The following RBM47 variants were observed in gnomAD, a reference collection of about 807,000 sequenced individuals.
RBM47 encodes RNA-binding protein 47.
A neutral mutation model predicts 47.1 loss-of-function variants in RBM47; 21 were observed. That is an observed-to-expected ratio of 0.45 (90% CI 0.32 to 0.64). The LOEUF (loss-of-function observed/expected upper bound fraction) is 0.64, where lower values mean the gene tolerates loss of function less well. RBM47 is among the 30% of genes least tolerant of loss of function. The probability of loss-of-function intolerance (pLI) is 0.05; values close to 1 mark genes in which losing one functional copy is unlikely to be tolerated. For missense variants in RBM47, 708 were observed against 870.9 expected (o/e 0.81, Z 2.35); for synonymous variants, 375 against 361.7 (o/e 1.04, Z -0.42).
At chr4:40,474,111 G>A (rs1719287375) in intron 2 of RBM47, among the ~76,000 whole-genome samples, 1 of 152,158 alleles carries the variant, frequency 6.6e-6, no homozygotes, top group Non-Finnish European at 1.5e-5. Context: ...GCTGTTAACT[G>A]CCCAGCCTGG....
rs373042493 is a variant in RBM47, at chr4:40,612,045, G to T, written c.-240+17351C>A. Reference sequence around the variant, plus strand: ...AAATGTTAAAAGAATGAAGGGTCAAGAGCGTTGGAATGAAGGTAAATGGGC... The same window carrying T: ...AAATGTTAAAAGAATGAAGGGTCAATAGCGTTGGAATGAAGGTAAATGGGC... On this transcript the variant is annotated intron_variant, in intron 1 of 6. Transcript: ENST00000295971. Among the ~76,000 whole-genome samples the T allele has an allele frequency of 5.2e-4, 79 of 152,332 alleles. 1 individual carries two copies. The highest frequency in any genetic ancestry group is 1.8e-3 in the African/African-American group (74 of 41,570).
At chr4:40,449,332 A>T (rs1715045263) in intron 3 of RBM47, among the ~76,000 whole-genome samples, 1 of 152,226 alleles carries the variant, frequency 6.6e-6, no homozygotes, top group Non-Finnish European at 1.5e-5. Context: ...ATACAAGGGA[A>T]TAATGACATT....
At chr4:40,484,171 GA>G (rs1720787693) in intron 2 of RBM47, among the ~76,000 whole-genome samples, 1 of 152,128 alleles carries the variant, frequency 6.6e-6, no homozygotes, top group Non-Finnish European at 1.5e-5. Context: ...ATCAAATGTA[GA>G]AAAATATAAC....
intron 1 of RBM47, among the ~76,000 whole-genome samples, chr4:40,576,896 T>TGA (rs1436694534): frequency 6.6e-6 from 1 of 152,136 alleles, no homozygotes; most frequent in African/African-American, 2.4e-5. Flanking sequence ...ATGAAGAAAC[T>TGA]GAGATAGGAT....
At chr4:40,516,137 G>T (rs961245317) in intron 2 of RBM47, among the ~76,000 whole-genome samples, 1 of 151,146 alleles carries the variant, frequency 6.6e-6, no homozygotes, top group Non-Finnish European at 1.5e-5. Context: ...GCCTCCTAAC[G>T]CCTCATCCGG....
In RBM47 at chr4:40,438,225, G is replaced by C; in HGVS notation, c.669C>G (p.Gly223=). The change falls in exon 4 of 7, where the codon GGC becomes GGG. Residue 223 remains glycine (G), a synonymous_variant. Transcript: ENST00000295971. ...CGGCCCAGTCCACGGCGATCTGGTG[G>C]CCCCACAGCTGGATGCGGCCAGGCA... is the stretch of plus-strand genomic sequence containing the variant. ...KLMPGRIQLW[G]HQIAVDWAEP... 6.2e-7 allele frequency: 1 copy of C among 1,605,488 alleles called. No homozygotes were observed. Among genetic ancestry groups the C allele is most frequent in the Non-Finnish European group, 8.5e-7 (1 of 1,179,934 alleles).
At chr4:40,622,001 C>T (rs1205293310) in intron 1 of RBM47, among the ~76,000 whole-genome samples, 3 of 152,156 alleles carry the variant, frequency 2.0e-5, no homozygotes. Flanking sequence ...AAGGTATGTT[C>T]GTGGTTGTAT....
At position 40,601,530 on chromosome 4, in the gene RBM47, C is replaced by T. The variant is rs545881800; in HGVS notation, c.-240+27866G>A. On this transcript the variant is annotated intron_variant, in intron 1 of 6. Transcript: ENST00000295971. ...AATGACATCTCAATCAAGTCAATGG[C>T]ATTCTCTTTTTGTTAGCTTGAGGTT... Among the ~76,000 whole-genome samples, 5 of 152,284 alleles carry T rather than the reference C, an allele frequency of 3.3e-5. No homozygotes were observed. The South Asian group carries it at 1.0e-3, about 32-fold the overall frequency.
chr4:40,590,144 GT>G (rs952031904), intron 1 of RBM47, among the ~76,000 whole-genome samples: 2 of 152,152 alleles, frequency 1.3e-5, no homozygotes, highest in Admixed American at 6.5e-5. Context: ...TACTGAGAAA[GT>G]TTTTTTGTAA....
chr4:40,549,109 T>TGGGGG (rs369365106), intron 1 of RBM47, among the ~76,000 whole-genome samples: 17 of 146,976 alleles, frequency 1.2e-4, no homozygotes, highest in African/African-American at 4.1e-4. Context: ...TCTTTTTTTT[T>TGGGGG]GGGGGGGGGG....
In RBM47 at chr4:40,436,780, G is replaced by T. The variant is rs145850464; in HGVS notation, c.1124-133C>A. On this transcript the variant is annotated intron_variant, in intron 4 of 6. Transcript: ENST00000295971. ...TGGCTACACCTTTGCTCTTTAATAG[G>T]CTGGTAAAGATGCTTCCAACATTCT... 229 of 835,112 alleles carry T rather than the reference G, an allele frequency of 2.7e-4. No individual in the cohort carries two copies. The African/African-American group carries it at 3.4e-3, about 12-fold the overall frequency. The allele number at this position is 835,112 out of a possible 1,614,324, so 51.7% of individuals were successfully genotyped here. A position where few individuals can be genotyped will look rare whatever the true frequency, so the allele number is the denominator to read the frequency against.
chr4:40,623,533 T>G (rs985658801), intron 1 of RBM47, among the ~76,000 whole-genome samples: 3 of 152,146 alleles, frequency 2.0e-5, no homozygotes, highest in Non-Finnish European at 4.4e-5. Flanking sequence ...GAGATCTCAC[T>G]ATGTTACCCA....
chr4:40,553,141 CTT>C (rs749256704), intron 1 of RBM47, among the ~76,000 whole-genome samples: 19 of 135,640 alleles, frequency 1.4e-4, no homozygotes, highest in Non-Finnish European at 1.6e-4. Context: ...CCTCTGATTG[CTT>C]TTTTTTTTTT....
chr4:40,486,649 G>C (rs1264198123), intron 2 of RBM47, among the ~76,000 whole-genome samples: 1 of 152,160 alleles, frequency 6.6e-6, no homozygotes, highest in African/African-American at 2.4e-5. Flanking sequence ...AATGGAAGTT[G>C]TAAAATCTTA....
chr4:40,574,580 T>C (rs1732111449), intron 1 of RBM47, among the ~76,000 whole-genome samples: 1 of 152,228 alleles, frequency 6.6e-6, no homozygotes, highest in Admixed American at 6.5e-5. Context: ...CTGGGTGTGG[T>C]GGCTCACGCC....
chr4:40,454,476 ATTAT>A, intron 3 of RBM47, among the ~76,000 whole-genome samples: 1 of 151,956 alleles, frequency 6.6e-6, no homozygotes, highest in Non-Finnish European at 1.5e-5. Flanking sequence ...TAATTTTTTT[ATTAT>A]TTATTTATTT....
rs10581870 is a variant in RBM47, at chr4:40,443,717, C to CAAAAAAA, written c.-31-4800_-31-4794dup. Among the ~76,000 whole-genome samples, 86 of 47,740 alleles carry CAAAAAAA rather than the reference C, an allele frequency of 1.8e-3. 8 individuals are homozygous for CAAAAAAA. Among genetic ancestry groups the CAAAAAAA allele is most frequent in the African/African-American group, 2.8e-3 (33 of 11,964 alleles). 31.3% of individuals were successfully genotyped at this position (47,740 alleles called of 152,430 possible). On this transcript the variant is annotated intron_variant, in intron 3 of 6. Transcript: ENST00000295971. ...GGGCAACAAGAGTGAAACTCCTTCT[C>CAAAAAAA]AAAAAAAAAAAAAAAAAAAAAAAAA...
intron 2 of RBM47, among the ~76,000 whole-genome samples, chr4:40,470,499 TTG>T (rs1166157984): frequency 6.6e-5 from 10 of 152,180 alleles, no homozygotes; most frequent in Admixed American, 1.3e-4. Flanking sequence ...CCTCTTCTAT[TTG>T]TGTCTTGACG....
chr4:40,544,004 G>T (rs1479928787), intron 2 of RBM47: 1 of 151,968 alleles, frequency 6.6e-6, no homozygotes, highest in African/African-American at 2.4e-5. Flanking sequence ...GAGAAATGCT[G>T]TATTTCACCA....
Sources: gnomAD v4.1 joint callset for allele counts (sites outside exome capture counted in the v4.1 genomes callset) on GRCh38, gnomAD v4.1.1 for gene constraint, MANE v1.5 for transcripts, NCBI Gene and HGNC (gene_info 2026-07-23, HGNC 2026-07-21) for gene names.